TNN: variants seen among roughly 807,000 people sequenced by gnomAD.
The protein encoded by TNN is tenascin-N.
In TNN, 122 loss-of-function variants were observed where a neutral mutation model predicts 134.4. The observed-to-expected ratio is 0.91, with a 90% confidence interval of 0.78 to 1.06. The LOEUF (loss-of-function observed/expected upper bound fraction) is 1.06, where lower values mean the gene tolerates loss of function less well. Ranked by LOEUF, TNN falls within the 50% of genes least tolerant of loss-of-function variation. The pLI is 0.00. For missense variants in TNN, 1,739 were observed against 1,699.4 expected, an observed-to-expected ratio of 1.02 and a Z score of -0.41; for synonymous variants, 710 against 670.3, an observed-to-expected ratio of 1.06 and a Z score of -0.91.
In TNN at chr1:175,080,281, G is replaced by A; in HGVS notation, c.903G>A (p.Glu301=). The A allele has an allele frequency of 2.5e-6, 4 of 1,614,130 alleles. No individual in the cohort carries two copies. The highest frequency in any genetic ancestry group is 3.4e-6 in the Non-Finnish European group (4 of 1,180,014). The change falls in exon 4 of 19, where the codon GAG becomes GAA. Residue 301 remains glutamate, a synonymous_variant. Transcript: ENST00000239462. ...YLLSYYPLGK[E]LSGKQIQVPK... The stretch of plus-strand genomic sequence containing the variant: ...TCAGCTACTACCCCCTGGGGAAGGA[G>A]CTCTCTGGGAAGCAGATCCAAGTGC...
At position 175,128,028 on chromosome 1, in the gene TNN, G is replaced by A; in HGVS notation, c.3046-4G>A. ...GGCTGTCTAATCTCTCCCTTGTTTG[G>A]TAGGAGATGCAGCTGGGACGGGAAG... On this transcript the variant is annotated splice_region_variant and splice_polypyrimidine_tract_variant and intron_variant, in intron 13 of 18. Coordinates refer to ENST00000239462, the MANE Select transcript of TNN (RefSeq NM_022093.2). The A allele has an allele frequency of 1.2e-6, 2 of 1,614,138 alleles. No individual in the cohort carries two copies. The highest frequency in any genetic ancestry group is 1.7e-6 in the Non-Finnish European group (2 of 1,179,998).
At chr1:175,142,691 C>T (rs1418718713) in intron 17 of TNN, among the ~76,000 whole-genome samples, 2 of 151,890 alleles carry the variant, frequency 1.3e-5, no homozygotes, top group African/African-American at 4.8e-5. Flanking sequence ...GATCTTGGCT[C>T]ACTGCAACCT....
chr1:175,098,581 C>T lies in TNN; in HGVS notation c.2105C>T (p.Thr702Ile), dbSNP rs780349480. Residue 702 changes from threonine to isoleucine, a missense_variant, in exon 9 of 19, where the codon ACC becomes ATC. By Grantham distance (89) the Thr-to-Ile change is moderately conservative. Transcript: ENST00000239462. ...KGDQESKKAD[T>I]KAQTDIDSPQ... The stretch of plus-strand genomic sequence containing the variant: ...GACCAGGAGAGCAAGAAGGCCGACA[C>T]CAAGGCCCAGACAGGTAAGGAGTGT... The T allele has an allele frequency of 3.1e-6, 5 of 1,614,062 alleles. No individual in the cohort carries two copies. Among genetic ancestry groups the T allele is most frequent in the Non-Finnish European group, 4.2e-6 (5 of 1,179,960 alleles).
intron 1 of TNN, 86 bp from the exon 2 acceptor site, chr1:175,077,298 C>T (rs1674062402): frequency 9.6e-7 from 1 of 1,036,724 alleles, no homozygotes; most frequent in South Asian, 1.6e-5. Flanking sequence ...TCCCAGCTTC[C>T]TTGGGCTCTT....
rs143276862 is a variant in TNN, at chr1:175,117,045, C to T, written c.2226C>T (p.Tyr742=). The T allele has an allele frequency of 7.4e-6, 12 of 1,614,244 alleles. No individual in the cohort carries two copies. Among genetic ancestry groups the T allele is most frequent in the South Asian group, 2.2e-5 (2 of 91,090 alleles). ...RATIDRYVVR[Y]TSAKDGETRE... ...CCATTGACAGGTATGTGGTGCGCTACACCTCTGCCAAGGACGGAGAGACCA... is the reference window on the plus strand; with the variant it reads ...CCATTGACAGGTATGTGGTGCGCTATACCTCTGCCAAGGACGGAGAGACCA... Residue 742 remains tyrosine (Y), a synonymous_variant, in exon 10 of 19, where the codon TAC becomes TAT. Coordinates refer to ENST00000239462, the MANE Select transcript of TNN (RefSeq NM_022093.2).
At position 175,128,670 on chromosome 1, in the gene TNN, C is replaced by T. The variant is rs774118159; in HGVS notation, c.3254C>T (p.Thr1085Ile). The change falls in exon 15 of 19, where the codon ACC becomes ATC. Residue 1085 changes from threonine to isoleucine, a missense_variant. Thr to Ile is a moderately conservative substitution (Grantham distance 89). Transcript: ENST00000239462. ...AGCAATGCCGCCAGTGGTCTGTACA[C>T]CATCTACCTGCATGGCGATGCCAGC... ...QNSNAASGLY[T>I]IYLHGDASRP... 1.2e-6 allele frequency: 2 copies of T among 1,614,070 alleles called. No homozygotes were observed. The highest frequency in any genetic ancestry group is 2.2e-5 in the East Asian group (1 of 44,872).
Position 175,147,787 on chromosome 1 carries a change from C to T in TNN, c.*716C>T, listed in dbSNP as rs539854739. 5.6e-4 allele frequency: 85 copies of T among 152,312 alleles called. No individual in the cohort carries two copies. Among genetic ancestry groups the T allele is most frequent in the African/African-American group, 2.0e-3 (83 of 41,548 alleles). The allele number at this position is 152,312 out of a possible 1,614,324, so 9.4% of individuals were successfully genotyped here. On this transcript the variant is annotated 3_prime_UTR_variant, in exon 19 of 19. Transcript: ENST00000239462. The stretch of plus-strand genomic sequence containing the variant: ...CTCATTTCAACTTTGAATAATTTGA[C>T]TGTCTTGATAATTGGTTCCTCCCAA...
intron 6 of TNN, among the ~76,000 whole-genome samples, chr1:175,085,701 C>T (rs182057799): frequency 2.0e-5 from 3 of 152,088 alleles, no homozygotes; most frequent in Non-Finnish European, 4.4e-5. Context: ...ATGGAGAAAC[C>T]CTGTCTCTAC....
intron 9 of TNN, among the ~76,000 whole-genome samples, chr1:175,107,458 A>G (rs10912886): frequency 0.6 from 85,776 of 142,694 alleles, 32,080 homozygotes; most frequent in African/African-American, 0.9. Flanking sequence ...TTAAGGCAGC[A>G]CGTCTGGAGT....
At chr1:175,070,465 G>A (rs1003658849) in intron 1 of TNN, among the ~76,000 whole-genome samples, 1 of 152,144 alleles carries the variant, frequency 6.6e-6, no homozygotes, top group East Asian at 1.9e-4. Context: ...GTTCTAGCAC[G>A]GTGGTGTGAG....
At chr1:175,137,696 C>G in intron 17 of TNN, among the ~76,000 whole-genome samples, 1 of 152,210 alleles carries the variant, frequency 6.6e-6, no homozygotes, top group South Asian at 2.1e-4. Flanking sequence ...TGTTTTAATA[C>G]CAATATTTTA....
At chr1:175,146,591 C>T (rs1241849785) in intron 18 of TNN, among the ~76,000 whole-genome samples, 22 of 151,906 alleles carry the variant, frequency 1.4e-4, no homozygotes, top group Admixed American at 1.4e-3. Flanking sequence ...ATAATTTGCC[C>T]ATTGCCGGCC....
At chr1:175,072,712 G>A (rs945195797) in intron 1 of TNN, among the ~76,000 whole-genome samples, 1 of 151,972 alleles carries the variant, frequency 6.6e-6, no homozygotes, top group Non-Finnish European at 1.5e-5. Flanking sequence ...ATCTTCTTTC[G>A]AACAATCAAC....
chr1:175,107,582 T>C (rs1332411381), intron 9 of TNN, among the ~76,000 whole-genome samples: 1 of 146,078 alleles, frequency 6.8e-6, no homozygotes, highest in Non-Finnish European at 1.5e-5. Flanking sequence ...GAGTGAGCAG[T>C]AGCAAGATTT....
intron 5 of TNN, among the ~76,000 whole-genome samples, chr1:175,084,977 G>C (rs1360771056): frequency 2.6e-5 from 4 of 152,194 alleles, no homozygotes. Context: ...GAGTGACACA[G>C]TGAGATCCTG....
At chr1:175,130,422 A>ACGG (rs1675648286) in intron 15 of TNN, among the ~76,000 whole-genome samples, 4 of 152,214 alleles carry the variant, frequency 2.6e-5, no homozygotes, top group Non-Finnish European at 5.9e-5. Flanking sequence ...AGAATGTAAC[A>ACGG]TGGGAGGTCT....
At chr1:175,143,278 A>T (rs1337893992) in intron 17 of TNN, among the ~76,000 whole-genome samples, 7 of 152,260 alleles carry the variant, frequency 4.6e-5, no homozygotes, top group Non-Finnish European at 8.8e-5. Context: ...GAGCTGAGAT[A>T]TAAATGTAAG....
rs964353520 is a variant in TNN at position 175,123,781 on chromosome 1, A to G, written c.2914+118A>G. The G allele has an allele frequency of 4.8e-6, 7 of 1,464,018 alleles. No individual in the cohort carries two copies. The African/African-American group carries it at 1.0e-4, about 21-fold the overall frequency. 90.7% of individuals were successfully genotyped at this position (1,464,018 alleles called of 1,614,324 possible). Reference sequence around the variant, plus strand: ...GTTGCTTTACCCGAGGACATTCTTCAAAGTGGTTCCTTTTTTACGTCTTTG... The same window carrying G: ...GTTGCTTTACCCGAGGACATTCTTCGAAGTGGTTCCTTTTTTACGTCTTTG... On this transcript the variant is annotated intron_variant, in intron 12 of 18. Transcript: ENST00000239462.
At chr1:175,083,467 T>C (rs1386947231) in intron 4 of TNN, among the ~76,000 whole-genome samples, 2 of 152,200 alleles carry the variant, frequency 1.3e-5, no homozygotes, top group Non-Finnish European at 2.9e-5. Flanking sequence ...CAGTTTGGGC[T>C]TGGCCAAAGT....
Sources: gnomAD v4.1 joint callset for allele counts (sites outside exome capture counted in the v4.1 genomes callset) on GRCh38, gnomAD v4.1.1 for gene constraint, MANE v1.5 for transcripts, NCBI Gene and HGNC (gene_info 2026-07-23, HGNC 2026-07-21) for gene names.